The following RIMS2 variants were observed in gnomAD, a reference collection of about 807,000 sequenced individuals.
RIMS2 encodes regulating synaptic membrane exocytosis 2.
RIMS2 carries 59 observed loss-of-function variants against 174.4 expected under a neutral mutation model. That is an observed-to-expected ratio of 0.34 (90% CI 0.27 to 0.42). RIMS2 has a LOEUF of 0.42. Ranked by LOEUF, RIMS2 falls within the 10% of genes least tolerant of loss-of-function variation. The pLI, the probability that RIMS2 is intolerant of heterozygous loss-of-function variation, is 1.00. For missense variants in RIMS2, 1,620 were observed against 1,666.3 expected, an observed-to-expected ratio of 0.97 and a Z score of 0.48; for synonymous variants, 606 against 572.5, an observed-to-expected ratio of 1.06 and a Z score of -0.84.
chr8:103,595,885 T>C (rs1353449991), intron 1 of RIMS2, among the ~76,000 whole-genome samples: 1 of 151,992 alleles, frequency 6.6e-6, no homozygotes, highest in Non-Finnish European at 1.5e-5. Flanking sequence ...TTCCTATGAA[T>C]AAACAGCGGG....
At chr8:104,081,860 G>A (rs1218786462) in intron 19 of RIMS2, among the ~76,000 whole-genome samples, 1 of 152,002 alleles carries the variant, frequency 6.6e-6, no homozygotes, top group Non-Finnish European at 1.5e-5. Context: ...GTGTGGTTCA[G>A]TACCGGGTAA....
intron 19 of RIMS2, among the ~76,000 whole-genome samples, chr8:104,225,231 G>C (rs1345922674): frequency 6.6e-6 from 1 of 152,182 alleles, no homozygotes; most frequent in African/African-American, 2.4e-5. Flanking sequence ...TGAGAAGACT[G>C]AGGCAGGGAG....
intron 1 of RIMS2, among the ~76,000 whole-genome samples, chr8:103,638,260 T>A (rs1450950731): frequency 6.6e-6 from 1 of 152,092 alleles, no homozygotes; most frequent in East Asian, 1.9e-4. Flanking sequence ...CCACAGTAAT[T>A]AATAAATATT....
At chr8:103,684,536 CTTTTTTT>C in intron 1 of RIMS2, among the ~76,000 whole-genome samples, 1 of 138,006 alleles carries the variant, frequency 7.2e-6, no homozygotes, top group Non-Finnish European at 1.7e-5. Flanking sequence ...CTGGTTCATA[CTTTTTTT>C]ATTTTATTTT....
intron 3 of RIMS2, among the ~76,000 whole-genome samples, chr8:103,871,931 A>G (rs1358353818): frequency 6.6e-6 from 1 of 152,154 alleles, no homozygotes; most frequent in Non-Finnish European, 1.5e-5. Flanking sequence ...TACTTTAGGT[A>G]TTCTTTACAA....
At chr8:104,019,175 G>C (rs764976265) in intron 19 of RIMS2, among the ~76,000 whole-genome samples, 1 of 152,116 alleles carries the variant, frequency 6.6e-6, no homozygotes, top group African/African-American at 2.4e-5. Context: ...TCCAGCCTGG[G>C]CAGCAGAGCG....
chr8:103,621,061 T>C (rs192431355), intron 1 of RIMS2, among the ~76,000 whole-genome samples: 1 of 152,132 alleles, frequency 6.6e-6, no homozygotes, highest in East Asian at 1.9e-4. Flanking sequence ...CAAATAAATA[T>C]TACACATGAT....
At chr8:104,189,582 T>TTATATA (rs34057466) in intron 19 of RIMS2, among the ~76,000 whole-genome samples, 19 of 145,218 alleles carry the variant, frequency 1.3e-4, no homozygotes, top group Admixed American at 6.3e-4. Context: ...AATATATACA[T>TTATATA]TATATATATA....
chr8:104,218,120 C>T (rs2138262429), intron 19 of RIMS2, among the ~76,000 whole-genome samples: 1 of 152,256 alleles, frequency 6.6e-6, no homozygotes, highest in East Asian at 1.9e-4. Flanking sequence ...AAGTGTATAT[C>T]AAAAGAAAAG....
At chr8:103,801,188 T>A (rs1445088427) in intron 3 of RIMS2, among the ~76,000 whole-genome samples, 1 of 152,154 alleles carries the variant, frequency 6.6e-6, no homozygotes, top group East Asian at 1.9e-4. Flanking sequence ...GGTTTCACCA[T>A]GTTGCCCAGG....
At chr8:103,970,078 T>C (rs1029577843) in intron 15 of RIMS2, among the ~76,000 whole-genome samples, 2 of 152,206 alleles carry the variant, frequency 1.3e-5, no homozygotes, top group African/African-American at 4.8e-5. Flanking sequence ...ATAATTTTTT[T>C]ATTGATAGGC....
At chr8:103,869,884 G>A (rs1215421190) in intron 3 of RIMS2, among the ~76,000 whole-genome samples, 1 of 152,194 alleles carries the variant, frequency 6.6e-6, no homozygotes, top group Non-Finnish European at 1.5e-5. Context: ...TACTGGAGAA[G>A]AAGTAATAGT....
At chr8:103,890,399 A>T (rs1011358017) in intron 4 of RIMS2, among the ~76,000 whole-genome samples, 1 of 152,044 alleles carries the variant, frequency 6.6e-6, no homozygotes, top group Non-Finnish European at 1.5e-5. Flanking sequence ...GTTGGATTGG[A>T]TCCAGTGGAA....
chr8:104,067,527 A>T (rs1329151022), intron 19 of RIMS2, among the ~76,000 whole-genome samples: 1 of 151,882 alleles, frequency 6.6e-6, no homozygotes, highest in Non-Finnish European at 1.5e-5. Context: ...GGATGCTGGG[A>T]CTATAAGCAT....
intron 3 of RIMS2, among the ~76,000 whole-genome samples, chr8:103,788,215 A>T (rs1048027791): frequency 2.7e-4 from 41 of 150,416 alleles, no homozygotes; most frequent in Admixed American, 1.3e-3. Flanking sequence ...CTTTGGTTTG[A>T]ATGTCCTCCC....
At chr8:104,252,599 G>A (rs757172915), downstream of RIMS2, 11 of 151,140 alleles carry the variant, frequency 7.3e-5, no homozygotes, top group South Asian at 6.3e-4. Context: ...AATTTCACTA[G>A]TGCATGGTTT....
At chr8:103,580,014 C>G (rs1217549273) in intron 1 of RIMS2, among the ~76,000 whole-genome samples, 1 of 152,120 alleles carries the variant, frequency 6.6e-6, no homozygotes, top group African/African-American at 2.4e-5. Flanking sequence ...GTGATCCAAT[C>G]ACCTCCCATC....
At chr8:103,559,687 TGAA>T (rs1203942959) in intron 1 of RIMS2, among the ~76,000 whole-genome samples, 1 of 152,222 alleles carries the variant, frequency 6.6e-6, no homozygotes, top group Non-Finnish European at 1.5e-5. Flanking sequence ...AGATACTTAA[TGAA>T]ATTATATCAA....
chr8:103,811,029 T>C (rs1564720209), intron 3 of RIMS2, among the ~76,000 whole-genome samples: 3 of 152,326 alleles, frequency 2.0e-5, no homozygotes, highest in South Asian at 4.1e-4. Context: ...AGTTACTAGA[T>C]AGCAGAGGTG....
Sources: gnomAD v4.1 joint callset for allele counts (sites outside exome capture counted in the v4.1 genomes callset) on GRCh38, gnomAD v4.1.1 for gene constraint, MANE v1.5 for transcripts, NCBI Gene and HGNC (gene_info 2026-07-23, HGNC 2026-07-21) for gene names.